The following ZNF91 variants were observed in gnomAD, a reference collection of about 807,000 sequenced individuals.
ZNF91 encodes the protein zinc finger protein 91, also known as zinc finger protein 91 (HPF7, HTF10).
In ZNF91, 7 loss-of-function variants were observed where a neutral mutation model predicts 12.6. The ratio of observed to expected loss-of-function variants is 0.55; its 90% CI spans 0.31 to 1.04. ZNF91 has a LOEUF of 1.04. Among genes scored for constraint, ZNF91 ranks in the 50% least tolerant of loss-of-function variants. The pLI, the probability that ZNF91 is intolerant of heterozygous loss-of-function variation, is 0.05. For synonymous variants in ZNF91, 453 were observed against 462.6 expected, an observed-to-expected ratio of 0.98 and a Z score of 0.27; for missense variants, 1,217 against 1,385.4, an observed-to-expected ratio of 0.88 and a Z score of 1.93.
At chr19:23,372,637 T>C (rs1011552739) in intron 3 of ZNF91, among the ~76,000 whole-genome samples, 1 of 152,178 alleles carries the variant, frequency 6.6e-6, no homozygotes, top group Non-Finnish European at 1.5e-5. Context: ...CATCCCAAAC[T>C]CTTCCCAGCT....
Position 23,362,519 on chromosome 19 carries a change from A to G in ZNF91, c.460T>C (p.Phe154Leu), listed in dbSNP as rs746426488. ...QCLTTAQSKVFQCGKYLKVFY... is the reference protein window; with the variant it reads ...QCLTTAQSKVLQCGKYLKVFY... ...ACTTTCAAATATTTCCCACATTGAA[A>G]TACTTTGCTCTGGGCAGTTGTGAGA... The change falls in exon 4 of 4, where the codon TTT becomes CTT. Residue 154 changes from phenylalanine to leucine, a missense_variant. Phe to Leu is a conservative substitution (Grantham distance 22). Around this residue, in one of 2 missense-constraint regions of ZNF91, gnomAD observed 726 missense variants for 895.5 expected, o/e 0.81. Transcript: ENST00000300619. The G allele has an allele frequency of 3.6e-5, 58 of 1,604,000 alleles. No homozygotes were observed. The East Asian group carries it at 9.6e-4, about 27-fold the overall frequency.
downstream of ZNF91, among the ~76,000 whole-genome samples, chr19:23,353,937 G>C (rs1050766378): frequency 6.6e-6 from 1 of 152,090 alleles, no homozygotes; most frequent in Non-Finnish European, 1.5e-5. Context: ...CAAGCAGTGA[G>C]ATTAAAATGG....
In ZNF91 at chr19:23,374,815, T is replaced by G. The variant is rs1200106852; in HGVS notation, c.31-51A>C. On this transcript the variant is annotated intron_variant, in intron 1 of 3. Transcript: ENST00000300619. ...ATTTACAAAGTGGCTATGGGCAGAA[T>G]TTTTCATTTGACTCAAGGTAAAATC... 6 of 1,590,898 alleles carry G rather than the reference T, an allele frequency of 3.8e-6. No individual in the cohort carries two copies. In the South Asian group the frequency reaches 6.7e-5, roughly 18 times the overall value.
chr19:23,354,946 C>A (rs924102940), downstream of ZNF91, among the ~76,000 whole-genome samples: 1 of 152,134 alleles, frequency 6.6e-6, no homozygotes, highest in Non-Finnish European at 1.5e-5. Context: ...CAAAACACTG[C>A]TGAAACAAAT....
intron 1 of ZNF91, among the ~76,000 whole-genome samples, chr19:23,317,404 C>T (rs537669405): frequency 6.6e-6 from 1 of 152,062 alleles, no homozygotes; most frequent in Admixed American, 6.5e-5. Context: ...CTATTTGGAC[C>T]TAGCCAATTG....
chr19:23,346,756 G>A (rs1411957747), intron 3 of ZNF91, among the ~76,000 whole-genome samples: 2 of 152,152 alleles, frequency 1.3e-5, no homozygotes, highest in East Asian at 3.9e-4. Flanking sequence ...GACGGCAGCT[G>A]CTGTCCTTGC....
At chr19:23,380,778 G>T (rs1219545000) in intron 1 of ZNF91, 1 of 152,146 alleles carries the variant, frequency 6.6e-6, no homozygotes, top group East Asian at 1.9e-4. Context: ...CAGAATTTTA[G>T]AAGATTTTTT....
intron 3 of ZNF91, among the ~76,000 whole-genome samples, chr19:23,371,476 T>C (rs935115786): frequency 1.3e-5 from 2 of 152,202 alleles, no homozygotes; most frequent in Admixed American, 1.3e-4. Flanking sequence ...ATATGGCTCA[T>C]TTATCTTTTA....
chr19:23,311,853 T>C (rs390973), upstream of ZNF91, among the ~76,000 whole-genome samples: 155 of 151,948 alleles, frequency 1.0e-3, no homozygotes, highest in African/African-American at 3.6e-3. Context: ...GGTGTGTCTT[T>C]TGTTCATCAC....
chr19:23,318,647 T>C (rs909330660), intron 1 of ZNF91, among the ~76,000 whole-genome samples: 16 of 147,016 alleles, frequency 1.1e-4, no homozygotes, highest in African/African-American at 3.8e-4. Flanking sequence ...TACTTGGTCT[T>C]TGCCATTAGA....
At position 23,359,152 on chromosome 19, in the gene ZNF91, G is replaced by A. The variant is rs894808136; in HGVS notation, c.*251C>T. On this transcript the variant is annotated 3_prime_UTR_variant, in exon 4 of 4. Transcript: ENST00000300619. ...TCCAGTATGAATTACCTTATGTTTA[G>A]TAAAGGTTGAAGACCGGTTAAAAGA... The A allele has an allele frequency of 1.9e-6, 1 of 522,252 alleles. No individual in the cohort carries two copies. The highest frequency in any genetic ancestry group is 3.6e-6 in the Non-Finnish European group (1 of 279,518). 32.4% of individuals were successfully genotyped at this position (522,252 alleles called of 1,614,324 possible). A position where few individuals can be genotyped will look rare whatever the true frequency, so the allele number is the denominator to read the frequency against.
At chr19:23,330,326 G>A (rs1266653767) in intron 1 of ZNF91, among the ~76,000 whole-genome samples, 3 of 147,886 alleles carry the variant, frequency 2.0e-5, no homozygotes, top group South Asian at 2.2e-4. Context: ...GCCAGACTTC[G>A]TCTCAAAAGA....
chr19:23,311,754 CA>C (rs1395228629), upstream of ZNF91, among the ~76,000 whole-genome samples: 8 of 152,234 alleles, frequency 5.3e-5, no homozygotes, highest in East Asian at 1.6e-3. Context: ...GCCTGGCCCC[CA>C]CGTATATTGT....
rs367771181 is a variant in ZNF91 at position 23,362,199 on chromosome 19, A to G, written c.780T>C (p.Cys260=). ...CACACTTGTAGATTTTCTCTTTAGC[A>G]CAGATTATTTTATGTGTAGTAAGGG... The part of the protein sequence containing the change: ...LSTLTTHKII[C]AKEKIYKCEE... Residue 260 remains cysteine, a synonymous_variant, in exon 4 of 4, where the codon TGT becomes TGC. Coordinates refer to ENST00000300619, the MANE Select transcript of ZNF91 (RefSeq NM_003430.4). 2 of 1,612,942 alleles carry G rather than the reference A, an allele frequency of 1.2e-6. No homozygotes were observed. The highest frequency in any genetic ancestry group is 1.7e-5 in the Admixed American group (1 of 59,954).
At position 23,374,620 on chromosome 19, in the gene ZNF91, T is replaced by A; in HGVS notation, c.157+18A>T. 1 of 1,594,344 alleles carries A rather than the reference T, an allele frequency of 6.3e-7. No homozygotes were observed. The highest frequency in any genetic ancestry group is 8.5e-7 in the Non-Finnish European group (1 of 1,170,218). On this transcript the variant is annotated intron_variant, in intron 2 of 3. Coordinates refer to ENST00000300619, the MANE Select transcript of ZNF91 (RefSeq NM_003430.4). ...CCATTAGTTTATATTAGAAACTTAG[T>A]ATTAAAGTTTTCCTTACCCAGGAAG...
intron 1 of ZNF91, chr19:23,328,579 G>T (rs745306544): frequency 1.3e-5 from 2 of 152,034 alleles, no homozygotes; most frequent in Non-Finnish European, 2.9e-5. Flanking sequence ...AAAACTGTTG[G>T]GCCAAAAAGT....
intron 1 of ZNF91, among the ~76,000 whole-genome samples, chr19:23,391,979 T>A (rs929699034): frequency 6.6e-6 from 1 of 152,204 alleles, no homozygotes. Flanking sequence ...AACACAGTGT[T>A]CATACAAGGG....
chr19:23,324,609 AGAAATAATCTT>A (rs1460407483), intron 1 of ZNF91: 2 of 151,848 alleles, frequency 1.3e-5, no homozygotes, highest in African/African-American at 4.8e-5. Context: ...ATATTCTATG[AGAAATAATCTT>A]GCTCTGTCAC....
rs1236956931 is a variant in ZNF91, at chr19:23,360,037, A to G, written c.2942T>C (p.Leu981Pro). The G allele has an allele frequency of 1.2e-6, 2 of 1,613,356 alleles. No individual in the cohort carries two copies. Among genetic ancestry groups the G allele is most frequent in the African/African-American group, 1.3e-5 (1 of 75,004 alleles). Residue 981 changes from leucine (L) to proline (P), a missense_variant, in exon 4 of 4, where the codon CTT becomes CCT. Coordinates refer to ENST00000300619, the MANE Select transcript of ZNF91 (RefSeq NM_003430.4). ...CGKAFRKSST[L>P]TEHKIIHTGE... The stretch of plus-strand genomic sequence containing the variant: ...AGTATGAATTATCTTATGTTCAGTA[A>G]GAGTTGAAGATTTCCTAAAAGCTTT...
Sources: allele counts gnomAD v4.1 joint callset (sites outside exome capture counted in the v4.1 genomes callset), GRCh38; gene constraint gnomAD v4.1.1; regional missense constraint gnomAD v4.1.1; transcripts MANE v1.5; gene names NCBI Gene and HGNC (gene_info 2026-07-23, HGNC 2026-07-21).